Variants in CES1 observed in about 807,000 individuals in gnomAD.
The protein encoded by CES1 is carboxylesterase 1, also known as liver carboxylesterase 1.
A neutral mutation model predicts 53.0 loss-of-function variants in CES1; 50 were observed. The observed-to-expected ratio is 0.94, with a 90% confidence interval of 0.75 to 1.19. The LOEUF (loss-of-function observed/expected upper bound fraction) is 1.19. CES1 is among the 50% of genes most tolerant of loss of function. The pLI is 0.00. For missense variants in CES1, 534 were observed against 538.0 expected (o/e 0.99, Z 0.07); for synonymous variants, 202 against 210.1 (o/e 0.96, Z 0.33).
At chr16:55,817,599 TG>T (rs1312846119) in intron 7 of CES1, among the ~76,000 whole-genome samples, 2 of 152,160 alleles carry the variant, frequency 1.3e-5, no homozygotes, top group African/African-American at 4.8e-5. Context: ...GTGCTCAGGA[TG>T]TAACCAGTGC....
At chr16:55,829,429 G>T (rs1416072560) in intron 1 of CES1, among the ~76,000 whole-genome samples, 1 of 152,266 alleles carries the variant, frequency 6.6e-6, no homozygotes, top group Non-Finnish European at 1.5e-5. Flanking sequence ...CCTGGGAGAG[G>T]TACCCATAAG....
chr16:55,820,572 A>G (rs1490299227), intron 5 of CES1, 93 bp from the exon 6 acceptor site: 7 of 1,595,174 alleles, frequency 4.4e-6, no homozygotes, highest in East Asian at 2.2e-5. Flanking sequence ...CCACTATAAA[A>G]CCAACACGGG....
At chr16:55,819,335 T>G (rs1206931871) in intron 7 of CES1, among the ~76,000 whole-genome samples, 200 bp downstream of exon 7, 3 of 152,222 alleles carry the variant, frequency 2.0e-5, no homozygotes, top group Non-Finnish European at 4.4e-5. Context: ...GTTACACAAT[T>G]TTTTATCATG....
intron 4 of CES1, among the ~76,000 whole-genome samples, chr16:55,822,708 C>T (rs1488383710): frequency 6.6e-6 from 1 of 151,854 alleles, no homozygotes; most frequent in Non-Finnish European, 1.5e-5. Context: ...GAGAGGGAGA[C>T]AAGAGAGGCC....
intron 4 of CES1, among the ~76,000 whole-genome samples, chr16:55,823,110 C>T (rs1376917693): frequency 1.3e-5 from 2 of 152,046 alleles, no homozygotes; most frequent in African/African-American, 2.4e-5. Context: ...CCCATTCCTT[C>T]ACCCACAACA....
chr16:55,819,038 T>C (rs1193921573), intron 7 of CES1, among the ~76,000 whole-genome samples: 4 of 152,252 alleles, frequency 2.6e-5, no homozygotes, highest in African/African-American at 9.6e-5. Context: ...AAGACAATCA[T>C]AGATAGACGG....
intron 8 of CES1, among the ~76,000 whole-genome samples, chr16:55,815,311 A>G (rs1179546983): frequency 6.6e-6 from 1 of 152,206 alleles, no homozygotes; most frequent in East Asian, 1.9e-4. Context: ...AAGGAAGGTC[A>G]GGCTTTTAAG....
intron 4 of CES1, among the ~76,000 whole-genome samples, chr16:55,821,729 T>C (rs1343206957): frequency 6.6e-6 from 1 of 152,226 alleles, no homozygotes; most frequent in African/African-American, 2.4e-5. Context: ...GAGCATCTAC[T>C]GTATGCCTGA....
rs564979263 is a variant in CES1 at position 55,812,772 on chromosome 16, T to G, written c.1086+131A>C. 5.3e-6 allele frequency: 7 copies of G among 1,323,550 alleles called. No individual in the cohort carries two copies. The East Asian group carries it at 1.1e-4, about 22-fold the overall frequency. 82.0% of individuals were successfully genotyped at this position (1,323,550 alleles called of 1,614,324 possible). A position where few individuals can be genotyped will look rare whatever the true frequency, so the allele number is the denominator to read the frequency against. The stretch of plus-strand genomic sequence containing the variant: ...CCTGGAGAAGATTTCCGTGGAAATG[T>G]TAACTCCTGCTGAAGGGAACAGCTG... On this transcript the variant is annotated intron_variant, in intron 9 of 13. Coordinates refer to ENST00000360526, the MANE Select transcript of CES1 (RefSeq NM_001025195.2).
In CES1 at chr16:55,820,498, G is replaced by C; in HGVS notation, c.694-19C>G. 6.3e-7 allele frequency: 1 copy of C among 1,595,222 alleles called. No homozygotes were observed. The highest frequency in any genetic ancestry group is 1.1e-5 in the South Asian group (1 of 89,250). ...ACAAAACCTGACAGCAGAGTGGAGG[G>C]GAGGAGAGTTCATGCTCAGGAGTGG... On this transcript the variant is annotated intron_variant, in intron 5 of 13. Coordinates refer to ENST00000360526, the MANE Select transcript of CES1 (RefSeq NM_001025195.2).
rs191842543 is a variant in CES1, at chr16:55,808,772, T to A, written c.1318+1745A>T. On this transcript the variant is annotated intron_variant, in intron 11 of 13. Coordinates refer to ENST00000360526, the MANE Select transcript of CES1 (RefSeq NM_001025195.2). ...AAGTCTATTTAACACAGCCATTTCA[T>A]GGAATAAGGAATGCTTTGATGAGTT... 7.9e-5 allele frequency among the ~76,000 whole-genome samples: 12 copies of A among 152,246 alleles called. No homozygotes were observed. The East Asian group carries it at 2.3e-3, about 29-fold the overall frequency.
At chr16:55,819,728 C>T in intron 6 of CES1, 89 bp from the exon 7 acceptor site, 1 of 1,108,278 alleles carries the variant, frequency 9.0e-7, no homozygotes, top group Admixed American at 1.7e-5. Flanking sequence ...CCAAGCCCAA[C>T]TTGTACTAGT....
At chr16:55,832,215 G>A (rs1686178871) in intron 1 of CES1, among the ~76,000 whole-genome samples, 1 of 152,100 alleles carries the variant, frequency 6.6e-6, no homozygotes, top group Non-Finnish European at 1.5e-5. Flanking sequence ...GGAAGCCACA[G>A]TAAAAGCCCC....
chr16:55,823,065 G>A (rs1453036735), intron 4 of CES1, among the ~76,000 whole-genome samples: 1 of 152,070 alleles, frequency 6.6e-6, no homozygotes, highest in Non-Finnish European at 1.5e-5. Flanking sequence ...CCACAGGAAG[G>A]GGTCAGATGC....
intron 5 of CES1, among the ~76,000 whole-genome samples, chr16:55,821,093 A>G (rs2032169755): frequency 6.6e-6 from 1 of 151,456 alleles, no homozygotes; most frequent in Non-Finnish European, 1.5e-5. Context: ...AGAGAGAGAG[A>G]GCTCAACCAA....
rs2307231 is a variant in CES1 at position 55,821,548 on chromosome 16, T to A, written c.540-27A>T. The stretch of plus-strand genomic sequence containing the variant: ...TGTGAGGAAGAGAACAGGTTGAGGG[T>A]GGGGAGCAGAGATGTCATGCAGGAC... On this transcript the variant is annotated intron_variant, in intron 4 of 13. Coordinates refer to ENST00000360526, the MANE Select transcript of CES1 (RefSeq NM_001025195.2). The A allele has an allele frequency of 4.7e-3, 7,558 of 1,613,772 alleles. 188 individuals carry two copies. In the African/African-American group the frequency reaches 0.061, roughly 13 times the overall value.
chr16:55,832,974 GC>G (rs1256984938), intron 1 of CES1, 29 bp downstream of exon 1: 1 of 1,464,524 alleles, frequency 6.8e-7, no homozygotes, highest in Non-Finnish European at 9.4e-7. Flanking sequence ...TTCAAAAAGT[GC>G]CCCGCATTTT....
chr16:55,809,823 C>G (rs1282615271), intron 11 of CES1, among the ~76,000 whole-genome samples: 7 of 152,192 alleles, frequency 4.6e-5, no homozygotes, highest in Non-Finnish European at 1.0e-4. Context: ...CTGGCTCAGA[C>G]CTTAAAACCC....
At chr16:55,810,705 G>A (rs2244614) in intron 10 of CES1, 41 bp from the exon 11 acceptor site, 912,295 of 1,593,236 alleles carry the variant, frequency 0.57, 273,706 homozygotes, top group Non-Finnish European at 0.62. Context: ...CCGGGTGAGC[G>A]ATGCAGCTTC....
Sources: gnomAD v4.1 joint callset for allele counts (sites outside exome capture counted in the v4.1 genomes callset) on GRCh38, gnomAD v4.1.1 for gene constraint, MANE v1.5 for transcripts, NCBI Gene and HGNC (gene_info 2026-07-23, HGNC 2026-07-21) for gene names.